Variants in HADHA observed in about 807,000 individuals in gnomAD.
HADHA encodes the protein hydroxyacyl-CoA dehydrogenase trifunctional multienzyme complex subunit alpha.
In HADHA, 59 loss-of-function variants were observed where a neutral mutation model predicts 91.3. The observed-to-expected ratio is 0.65, with a 90% CI of 0.52 to 0.80. HADHA has a LOEUF of 0.80. Ranked by LOEUF, HADHA falls within the 30% of genes least tolerant of loss-of-function variation. The pLI is 0.00. For missense variants in HADHA, 800 were observed against 927.6 expected (o/e 0.86, Z 1.79); for synonymous variants, 320 against 338.9 (o/e 0.94, Z 0.61).
chr2:26,207,142 G>A (rs974866178), intron 11 of HADHA, among the ~76,000 whole-genome samples: 1 of 152,212 alleles, frequency 6.6e-6, no homozygotes, highest in South Asian at 2.1e-4. Context: ...AGGTTATGGT[G>A]AGCTGTGATT....
intron 7 of HADHA, among the ~76,000 whole-genome samples, chr2:26,217,393 A>ACC (rs1670263052): frequency 4.6e-5 from 7 of 152,346 alleles, no homozygotes; most frequent in African/African-American, 1.7e-4. Context: ...ACAGAAAAAT[A>ACC]TTTGAAGAAA....
intron 4 of HADHA, among the ~76,000 whole-genome samples, chr2:26,236,378 CTCTGTGTGTGTGTG>C (rs1287961252): frequency 8.0e-3 from 333 of 41,418 alleles, no homozygotes; most frequent in African/African-American, 0.021. Flanking sequence ...TATATATATA[CTCTGTGTGTGTGTG>C]TGTGTGTGTG....
chr2:26,206,509 G>C (rs909193113), intron 11 of HADHA, among the ~76,000 whole-genome samples: 1 of 152,148 alleles, frequency 6.6e-6, no homozygotes. Context: ...GATTACAGGC[G>C]TAAGCCACCA....
rs181340509 is a variant in HADHA, at chr2:26,199,792, C to G, written c.1392+1357G>C. On this transcript the variant is annotated intron_variant, in intron 13 of 19. Transcript: ENST00000380649. ...GCTTCTGCTTTTGTTCTCTTGGAAG[C>G]CTGCAGCCACGCTACAAAGAAGTTG... 3.4e-3 allele frequency among the ~76,000 whole-genome samples: 510 copies of G among 152,212 alleles called. 2 individuals are homozygous for G. Among genetic ancestry groups the G allele is most frequent in the Non-Finnish European group, 5.3e-3 (361 of 68,006 alleles).
chr2:26,226,224 C>T (rs937201162), intron 7 of HADHA, among the ~76,000 whole-genome samples: 3 of 152,114 alleles, frequency 2.0e-5, no homozygotes, highest in African/African-American at 7.2e-5. Flanking sequence ...TGAAATGACT[C>T]AATATTTTTA....
Position 26,209,883 on chromosome 2 carries a change from C to T in HADHA, c.982G>A (p.Gly328Arg), listed in dbSNP as rs796051970. ...GATTCTTTGGTCATTACAAGCTCTC[C>T]AAATTTCTGAAAAGTAAAGGGGAAT... is the stretch of plus-strand genomic sequence containing the variant. Reference protein sequence around the residue: ...AGYLCESQKFGELVMTKESKA... With the variant: ...AGYLCESQKFRELVMTKESKA... The change falls in exon 11 of 20, where the codon GGA becomes AGA. Residue 328 changes from glycine (G) to arginine (R), a missense_variant. Physicochemically the swap from Gly to Arg is moderately radical, Grantham distance 125. Coordinates refer to ENST00000380649, the MANE Select transcript of HADHA (RefSeq NM_000182.5). The T allele has an allele frequency of 3.9e-6, 6 of 1,546,456 alleles. No individual in the cohort carries two copies. The highest frequency in any genetic ancestry group is 5.4e-6 in the Non-Finnish European group (6 of 1,118,458).
chr2:26,215,879 G>T (rs1252787155), intron 7 of HADHA, among the ~76,000 whole-genome samples: 1 of 152,186 alleles, frequency 6.6e-6, no homozygotes, highest in Non-Finnish European at 1.5e-5. Context: ...AATAGATAAG[G>T]TACTTCTATG....
Position 26,232,377 on chromosome 2 carries a change from G to A in HADHA, c.454-98C>T, listed in dbSNP as rs1670645563. On this transcript the variant is annotated intron_variant, in intron 5 of 19. Transcript: ENST00000380649. ...TAAAGATTATTTATAAAGCAGGAAT[G>A]TGCTCACAGAATAAACTGAAATTCC... 5 of 834,510 alleles carry A rather than the reference G, an allele frequency of 6.0e-6. No individual in the cohort carries two copies. In the East Asian group the frequency reaches 1.3e-4, roughly 21 times the overall value. The allele number at this position is 834,510 out of a possible 1,614,324, so 51.7% of individuals were successfully genotyped here. A position where few individuals can be genotyped will look rare whatever the true frequency, so the allele number is the denominator to read the frequency against.
At chr2:26,209,483 G>A (rs938119920) in intron 11 of HADHA, among the ~76,000 whole-genome samples, 3 of 152,186 alleles carry the variant, frequency 2.0e-5, no homozygotes, top group African/African-American at 7.2e-5. Context: ...ATTGAACAGT[G>A]CAGAGGGAGT....
At chr2:26,230,749 T>C (rs1325649913) in intron 6 of HADHA, among the ~76,000 whole-genome samples, 1 of 151,976 alleles carries the variant, frequency 6.6e-6, no homozygotes, top group Non-Finnish European at 1.5e-5. Flanking sequence ...GGTGAAACCC[T>C]GTCTTTACTA....
At chr2:26,237,712 C>A (rs1670794813) in intron 3 of HADHA, among the ~76,000 whole-genome samples, 1 of 152,034 alleles carries the variant, frequency 6.6e-6, no homozygotes. Flanking sequence ...ATGGAAGATA[C>A]CAAGAAAAAG....
intron 5 of HADHA, among the ~76,000 whole-genome samples, chr2:26,233,135 C>G (rs765493022): frequency 3.3e-5 from 5 of 152,172 alleles, no homozygotes; most frequent in Non-Finnish European, 7.3e-5. Flanking sequence ...GGAGGCGGAA[C>G]TCAGGTGGTA....
intron 7 of HADHA, among the ~76,000 whole-genome samples, chr2:26,225,376 C>T (rs921614886): frequency 1.1e-4 from 14 of 131,956 alleles, no homozygotes; most frequent in Admixed American, 6.6e-4. Flanking sequence ...TCCAGCCTGG[C>T]GACAGGGTGA....
intron 1 of HADHA, among the ~76,000 whole-genome samples, chr2:26,243,726 C>G (rs1001772776): frequency 3.3e-5 from 5 of 152,184 alleles, no homozygotes; most frequent in Admixed American, 3.3e-4. Context: ...CCACTTTTGA[C>G]TTTACAGATT....
chr2:26,191,001 T>TCTAGGCCTCGGGG lies in HADHA; in HGVS notation c.*236_*248dup. 1 of 578,896 alleles carries TCTAGGCCTCGGGG rather than the reference T, an allele frequency of 1.7e-6. No homozygotes were observed. Among genetic ancestry groups the TCTAGGCCTCGGGG allele is most frequent in the Non-Finnish European group, 3.1e-6 (1 of 322,874 alleles). 35.9% of individuals were successfully genotyped at this position (578,896 alleles called of 1,614,324 possible). On this transcript the variant is annotated 3_prime_UTR_variant, in exon 20 of 20. Coordinates refer to ENST00000380649, the MANE Select transcript of HADHA (RefSeq NM_000182.5). ...GCTTCAGATGGCTCTTGGCTGCCACTCTAGGCCTCGGGGCTTATACAATGA... is the reference window on the plus strand; with the variant it reads ...GCTTCAGATGGCTCTTGGCTGCCACTCTAGGCCTCGGGGCTAGGCCTCGGGGCTTATACAATGA...
At chr2:26,193,286 A>C (rs566402625) in intron 17 of HADHA, among the ~76,000 whole-genome samples, 1 of 133,188 alleles carries the variant, frequency 7.5e-6, no homozygotes, top group South Asian at 2.4e-4. Flanking sequence ...GAAGGTTCAC[A>C]TGACATCTTT....
At position 26,191,082 on chromosome 2, in the gene HADHA, C is replaced by A; in HGVS notation, c.*168G>T. 1.4e-6 allele frequency: 1 copy of A among 695,500 alleles called. No individual in the cohort carries two copies. The highest frequency in any genetic ancestry group is 1.6e-5 in the South Asian group (1 of 62,056). The allele number at this position is 695,500 out of a possible 1,614,324, so 43.1% of individuals were successfully genotyped here. On this transcript the variant is annotated 3_prime_UTR_variant, in exon 20 of 20. Coordinates refer to ENST00000380649, the MANE Select transcript of HADHA (RefSeq NM_000182.5). ...CAAACTAATTCGAAGTCACACTTCA[C>A]CAGGAGGGAGAGATGGTCTTGGCTG...
intron 11 of HADHA, among the ~76,000 whole-genome samples, chr2:26,208,940 T>C (rs1670028850): frequency 6.6e-6 from 1 of 152,240 alleles, no homozygotes; most frequent in South Asian, 2.1e-4. Context: ...ATTTTGTATT[T>C]GTAATCTCAT....
At chr2:26,209,492 G>A (rs1670043051) in intron 11 of HADHA, among the ~76,000 whole-genome samples, 1 of 152,208 alleles carries the variant, frequency 6.6e-6, no homozygotes, top group South Asian at 2.1e-4. Flanking sequence ...TGCAGAGGGA[G>A]TGTGTGGTTT....
Sources: allele counts gnomAD v4.1 joint callset (sites outside exome capture counted in the v4.1 genomes callset), GRCh38; gene constraint gnomAD v4.1.1; transcripts MANE v1.5; gene names NCBI Gene and HGNC (gene_info 2026-07-23, HGNC 2026-07-21).